RPS6KC1: variants seen among roughly 807,000 people sequenced by gnomAD.
RPS6KC1 encodes the protein inactive ribosomal protein S6 kinase delta-1.
RPS6KC1 carries 54 observed loss-of-function variants against 103.8 expected under a neutral mutation model. That is an observed-to-expected ratio of 0.52 (90% CI 0.42 to 0.65). The LOEUF is 0.65. RPS6KC1 is among the 30% of genes least tolerant of loss of function. The probability of loss-of-function intolerance (pLI) is 0.00; values close to 1 mark genes in which losing one functional copy is unlikely to be tolerated. For synonymous variants in RPS6KC1, 439 were observed against 438.7 expected (o/e 1.00, Z -0.01); for missense variants, 1,151 against 1,253.8 (o/e 0.92, Z 1.24).
the RPS6KC1 span, among the ~76,000 whole-genome samples, chr1:213,631,075 G>T: frequency 5.3e-5 from 8 of 152,132 alleles, no homozygotes; most frequent in Admixed American, 5.2e-4. Context: ...CAATATTAGG[G>T]TGGGAGTGAC....
the RPS6KC1 span, among the ~76,000 whole-genome samples, chr1:213,852,401 T>C: frequency 6.6e-6 from 1 of 152,122 alleles, no homozygotes; most frequent in Admixed American, 6.5e-5. Context: ...TTTTTTTTAC[T>C]GGTAATGCTT....
chr1:213,518,801 A>T, the RPS6KC1 span, among the ~76,000 whole-genome samples: 3 of 152,174 alleles, frequency 2.0e-5, no homozygotes, highest in Non-Finnish European at 4.4e-5. Context: ...GCATATATAG[A>T]TGGTAGATAT....
chr1:213,762,783 A>G, the RPS6KC1 span, among the ~76,000 whole-genome samples: 1 of 152,220 alleles, frequency 6.6e-6, no homozygotes, highest in Non-Finnish European at 1.5e-5. Context: ...ACAAGTATTT[A>G]AGATAACCCA....
At chr1:213,569,078 A>G in the RPS6KC1 span, among the ~76,000 whole-genome samples, 1 of 152,064 alleles carries the variant, frequency 6.6e-6, no homozygotes, top group African/African-American at 2.4e-5. Context: ...ATTTGGGTGG[A>G]GTGGTCAGGG....
the RPS6KC1 span, among the ~76,000 whole-genome samples, chr1:213,301,431 C>T: frequency 1.3e-5 from 2 of 152,206 alleles, no homozygotes; most frequent in African/African-American, 4.8e-5. Context: ...AAATAGTGGG[C>T]AACTAGTATA....
At chr1:213,242,817 C>T (rs1401983586) in intron 12 of RPS6KC1, among the ~76,000 whole-genome samples, 159 bp downstream of exon 12, 1 of 152,042 alleles carries the variant, frequency 6.6e-6, no homozygotes, top group African/African-American at 2.4e-5. Flanking sequence ...TGGGGCTAAA[C>T]CAATTAAGTA....
the RPS6KC1 span, among the ~76,000 whole-genome samples, chr1:213,396,008 T>C: frequency 6.6e-6 from 1 of 152,084 alleles, no homozygotes; most frequent in Non-Finnish European, 1.5e-5. Context: ...AGGTAGATGT[T>C]TAAGAGGAGA....
At chr1:213,640,615 A>T in the RPS6KC1 span, among the ~76,000 whole-genome samples, 1 of 151,710 alleles carries the variant, frequency 6.6e-6, no homozygotes, top group African/African-American at 2.4e-5. Flanking sequence ...TTGCCTTTTC[A>T]TGCAGTCCCA....
chr1:213,655,950 G>T, the RPS6KC1 span, among the ~76,000 whole-genome samples: 1 of 152,112 alleles, frequency 6.6e-6, no homozygotes, highest in African/African-American at 2.4e-5. Flanking sequence ...TCTTGAAATT[G>T]ATTTGTCAGA....
At chr1:213,242,538 G>A in intron 11 of RPS6KC1, 31 bp from the exon 12 acceptor site, 1 of 1,550,392 alleles carries the variant, frequency 6.4e-7, no homozygotes, top group South Asian at 1.1e-5. Context: ...AGAGAAAAAT[G>A]TTTTGATTTC....
chr1:213,371,319 T>C, the RPS6KC1 span, among the ~76,000 whole-genome samples: 1 of 152,240 alleles, frequency 6.6e-6, no homozygotes, highest in Admixed American at 6.5e-5. Context: ...TCCACTGTTA[T>C]GTAGACACCA....
the RPS6KC1 span, among the ~76,000 whole-genome samples, chr1:213,856,387 C>T: frequency 1.3e-5 from 2 of 152,066 alleles, no homozygotes; most frequent in African/African-American, 4.8e-5. Flanking sequence ...TCTGTCTATA[C>T]CACCAAATTA....
the RPS6KC1 span, among the ~76,000 whole-genome samples, chr1:213,532,757 C>T: frequency 2.0e-5 from 3 of 152,194 alleles, no homozygotes; most frequent in African/African-American, 7.2e-5. Context: ...TGTGCAGTGT[C>T]CCATTGCCCA....
At chr1:213,785,173 C>A in the RPS6KC1 span, among the ~76,000 whole-genome samples, 1 of 152,246 alleles carries the variant, frequency 6.6e-6, no homozygotes, top group East Asian at 1.9e-4. Context: ...CATCAAAAAT[C>A]TTATGTATTA....
chr1:213,131,906 G>A (rs2085679237), intron 6 of RPS6KC1, among the ~76,000 whole-genome samples: 1 of 152,182 alleles, frequency 6.6e-6, no homozygotes, highest in South Asian at 2.1e-4. Flanking sequence ...AGAGAATTAT[G>A]TGCTAAAACA....
the RPS6KC1 span, among the ~76,000 whole-genome samples, chr1:213,629,738 T>C: frequency 6.6e-6 from 1 of 152,226 alleles, no homozygotes; most frequent in East Asian, 1.9e-4. Context: ...TTCCTTTTCA[T>C]GTTTAGTGCT....
chr1:213,854,510 C>CT, the RPS6KC1 span, among the ~76,000 whole-genome samples: 1 of 120,934 alleles, frequency 8.3e-6, no homozygotes, highest in Non-Finnish European at 1.7e-5. Context: ...CTCTTTCTTT[C>CT]TCTTTCTTTC....
At chr1:213,850,507 G>T in the RPS6KC1 span, among the ~76,000 whole-genome samples, 1 of 152,188 alleles carries the variant, frequency 6.6e-6, no homozygotes, top group Non-Finnish European at 1.5e-5. Context: ...CCTGTTTTGG[G>T]TCAGGCAGGC....
chr1:213,543,602 C>T, the RPS6KC1 span, among the ~76,000 whole-genome samples: 2 of 152,210 alleles, frequency 1.3e-5, no homozygotes, highest in African/African-American at 2.4e-5. Flanking sequence ...AAATTTAAAG[C>T]ATCCAGGATA....
Sources: allele counts gnomAD v4.1 joint callset (sites outside exome capture counted in the v4.1 genomes callset), GRCh38; gene constraint gnomAD v4.1.1; transcripts MANE v1.5; gene names NCBI Gene and HGNC (gene_info 2026-07-23, HGNC 2026-07-21).